INTS7: variants seen among roughly 807,000 people sequenced by gnomAD.
The protein encoded by INTS7 is chromosome 1 open reading frame 73.
A neutral mutation model predicts 109.2 loss-of-function variants in INTS7; 46 were observed. That is an observed-to-expected ratio of 0.42 (90% CI 0.33 to 0.54). The LOEUF (loss-of-function observed/expected upper bound fraction) is 0.54. Ranked by LOEUF, INTS7 falls within the 20% of genes least tolerant of loss-of-function variation. The probability of loss-of-function intolerance (pLI) is 0.07; values close to 1 mark genes in which losing one functional copy is unlikely to be tolerated. For synonymous variants in INTS7, 412 were observed against 402.9 expected (o/e 1.02, Z -0.27); for missense variants, 929 against 1,132.4 (o/e 0.82, Z 2.58).
chr1:211,969,415 G>A (rs545095965), intron 13 of INTS7, among the ~76,000 whole-genome samples: 5 of 151,882 alleles, frequency 3.3e-5, no homozygotes, highest in East Asian at 1.9e-4. Context: ...TTGTAAAGTC[G>A]GGGGCAGAAA....
chr1:211,960,326 T>G, intron 16 of INTS7, among the ~76,000 whole-genome samples: 2 of 150,010 alleles, frequency 1.3e-5, no homozygotes, highest in South Asian at 4.2e-4. Flanking sequence ...ACTTCAAAGA[T>G]CGAAGGACCA....
rs894334196 is a variant in INTS7 at position 211,959,008 on chromosome 1, C to T, written c.2184-6307G>A. On this transcript the variant is annotated intron_variant, in intron 16 of 19. Transcript: ENST00000366994. The surrounding 1 kb of genome is among the most constrained non-coding windows in gnomAD (Gnocchi z 4.2). The stretch of plus-strand genomic sequence containing the variant: ...GGACCCCTGCATGGGGATATCGCAC[C>T]GGGGGAACAGTGACTTGAACTGGCA... Among the ~76,000 whole-genome samples, 6 of 152,036 alleles carry T rather than the reference C, an allele frequency of 3.9e-5. No individual in the cohort carries two copies. Among genetic ancestry groups the T allele is most frequent in the Non-Finnish European group, 7.4e-5 (5 of 67,992 alleles).
At chr1:212,023,235 G>A (rs1434455637) in intron 1 of INTS7, among the ~76,000 whole-genome samples, 1 of 152,082 alleles carries the variant, frequency 6.6e-6, no homozygotes, top group Non-Finnish European at 1.5e-5. Flanking sequence ...TGTCTTTTGG[G>A]CAGAATGATT....
intron 17 of INTS7, among the ~76,000 whole-genome samples, chr1:211,947,836 G>A (rs960907848): frequency 1.3e-5 from 2 of 152,108 alleles, no homozygotes; most frequent in Admixed American, 6.5e-5. Flanking sequence ...AAGCACTCAC[G>A]GTACATCAAA....
intron 18 of INTS7, among the ~76,000 whole-genome samples, chr1:211,945,288 A>T (rs1351471933): frequency 6.6e-6 from 1 of 152,164 alleles, no homozygotes; most frequent in Admixed American, 6.5e-5. Context: ...AGGGAAAGGC[A>T]TTATATAAAT....
rs1662698635 is a variant in INTS7 at position 211,942,938 on chromosome 1, GTAAT to G, written c.2602-831_2602-828del. 1.3e-5 allele frequency among the ~76,000 whole-genome samples: 2 copies of G among 152,128 alleles called. No homozygotes were observed. Among genetic ancestry groups the G allele is most frequent in the African/African-American group, 2.4e-5 (1 of 41,432 alleles). ...AGGTTTATGTGCGTGTTTCTGTGGT[GTAAT>G]TAATTATATAAATGTGCCCTGCAGC... On this transcript the variant is annotated intron_variant, in intron 19 of 19. Transcript: ENST00000366994. The surrounding 1 kb of genome is among the most constrained non-coding windows in gnomAD (Gnocchi z 4.2).
At chr1:211,986,976 T>C (rs182966497) in intron 8 of INTS7, among the ~76,000 whole-genome samples, 7 of 152,126 alleles carry the variant, frequency 4.6e-5, no homozygotes, top group African/African-American at 1.2e-4. Context: ...AAGGAAGCAA[T>C]AGAGGTTCCG....
Position 211,966,498 on chromosome 1 carries a change from T to G in INTS7, c.2115A>C (p.Leu705=). The change falls in exon 16 of 20, where the codon CTA becomes CTC. Residue 705 remains leucine (L), a splice_region_variant and synonymous_variant. Coordinates refer to ENST00000366994, the MANE Select transcript of INTS7 (RefSeq NM_015434.4). ...ATATCAGTAAACAGCTCTGCTGCTG[T>G]CTGGATTGATGTTAAGGTTACATAC... The part of the protein sequence containing the change: ...ADSATLRNVE[L]QQQSCLLISH... 1 of 1,601,590 alleles carries G rather than the reference T, an allele frequency of 6.2e-7. No individual in the cohort carries two copies. The highest frequency in any genetic ancestry group is 1.7e-5 in the Admixed American group (1 of 59,082).
In INTS7 at chr1:211,941,320, A is replaced by C. The variant is rs200504276; in HGVS notation, c.*504T>G. 1 of 152,062 alleles carries C rather than the reference A, an allele frequency of 6.6e-6. No homozygotes were observed. Among genetic ancestry groups the C allele is most frequent in the Non-Finnish European group, 1.5e-5 (1 of 68,018 alleles). 9.4% of individuals were successfully genotyped at this position (152,062 alleles called of 1,614,324 possible). Reference sequence around the variant, plus strand: ...GAAAAAACTAATAATAAAACAAGAAAGAACAATCTTTCTGGCCAGGATCCC... The same window carrying C: ...GAAAAAACTAATAATAAAACAAGAACGAACAATCTTTCTGGCCAGGATCCC... On this transcript the variant is annotated 3_prime_UTR_variant, in exon 20 of 20. Coordinates refer to ENST00000366994, the MANE Select transcript of INTS7 (RefSeq NM_015434.4).
At position 211,941,905 on chromosome 1, in the gene INTS7, G is replaced by T; in HGVS notation, c.2808C>A (p.Ser936=). The T allele has an allele frequency of 6.2e-7, 1 of 1,614,180 alleles. No homozygotes were observed. Among genetic ancestry groups the T allele is most frequent in the Non-Finnish European group, 8.5e-7 (1 of 1,180,036 alleles). ...IFVKSLEDPY[S]QQIRLQQQQA... is the part of the protein sequence containing the mutation. ...GCTGCTGTTGTAAGCGAATTTGCTG[G>T]GAATAAGGGTCTTCCAGGGATTTTA... The change falls in exon 20 of 20, where the codon TCC becomes TCA. Residue 936 remains serine, a synonymous_variant. Transcript: ENST00000366994.
At chr1:211,944,448 C>G (rs1243817319) in intron 19 of INTS7, among the ~76,000 whole-genome samples, 2 of 152,194 alleles carry the variant, frequency 1.3e-5, no homozygotes, top group Non-Finnish European at 2.9e-5. Context: ...CCCATACGTA[C>G]TGACTGAGGC....
intron 7 of INTS7, among the ~76,000 whole-genome samples, chr1:212,002,935 G>A (rs1031396605): frequency 1.3e-5 from 2 of 152,140 alleles, no homozygotes; most frequent in Non-Finnish European, 2.9e-5. Context: ...TAGAAATAGA[G>A]AGTAGAGACA....
intron 13 of INTS7, among the ~76,000 whole-genome samples, chr1:211,971,915 C>CAAAAAAAAAAAAAAAAAAAGAAAAAAA (rs1664190065): frequency 1.3e-5 from 1 of 79,820 alleles, no homozygotes; most frequent in African/African-American, 4.9e-5. Flanking sequence ...AACTCAGTCT[C>CAAAAAAAAAAAAAAAAAAAGAAAAAAA]AAAAAAAAAA....
Position 211,990,743 on chromosome 1 carries a change from T to C in INTS7, c.880-2740A>G, listed in dbSNP as rs190561596. On this transcript the variant is annotated intron_variant, in intron 7 of 19. Transcript: ENST00000366994. ...AGGCCAGAATATGGGGTGTTTAATTTTGGCCTAAGAGGAGATATGTTCAAA... is the reference window on the plus strand; with the variant it reads ...AGGCCAGAATATGGGGTGTTTAATTCTGGCCTAAGAGGAGATATGTTCAAA... Among the ~76,000 whole-genome samples, 35 of 152,274 alleles carry C rather than the reference T, an allele frequency of 2.3e-4. No homozygotes were observed. In the East Asian group the frequency reaches 6.8e-3, roughly 29 times the overall value.
At chr1:211,953,366 C>T (rs1011317814) in intron 16 of INTS7, among the ~76,000 whole-genome samples, 3 of 151,978 alleles carry the variant, frequency 2.0e-5, no homozygotes, top group African/African-American at 7.3e-5. Context: ...TGAAAAAAGG[C>T]ATTTCTATTT....
In INTS7 at chr1:211,955,189, CTGTT is replaced by C. The variant is rs374001356; in HGVS notation, c.2184-2492_2184-2489del. Among the ~76,000 whole-genome samples, 56 of 152,112 alleles carry C rather than the reference CTGTT, an allele frequency of 3.7e-4. 1 individual carries two copies. In the East Asian group the frequency reaches 9.9e-3, roughly 27 times the overall value. On this transcript the variant is annotated intron_variant, in intron 16 of 19. Transcript: ENST00000366994. ...GGGAGTTCACTCATGATTTGGCTCTCTGTTTGTCTGTTATTGGTGTATAAGAATG... is the reference window on the plus strand; with the variant it reads ...GGGAGTTCACTCATGATTTGGCTCTCTGTCTGTTATTGGTGTATAAGAATG...
At chr1:212,026,040 T>C (rs1440241526) in intron 1 of INTS7, among the ~76,000 whole-genome samples, 1 of 151,994 alleles carries the variant, frequency 6.6e-6, no homozygotes, top group Non-Finnish European at 1.5e-5. Flanking sequence ...TCACAGCTAC[T>C]AGGGAGGCTG....
At chr1:211,977,814 A>C (rs773018932) in intron 11 of INTS7, among the ~76,000 whole-genome samples, 27 of 152,234 alleles carry the variant, frequency 1.8e-4, no homozygotes, top group Non-Finnish European at 4.0e-4. Context: ...AAACAGCTAA[A>C]GAGGTCCTGG....
At chr1:211,950,671 T>C (rs972801944) in intron 17 of INTS7, among the ~76,000 whole-genome samples, 1 of 152,260 alleles carries the variant, frequency 6.6e-6, no homozygotes, top group Non-Finnish European at 1.5e-5. Context: ...GAGGCAGGTA[T>C]GTTTTCTACT....
Sources: gnomAD v4.1 joint callset for allele counts (sites outside exome capture counted in the v4.1 genomes callset) on GRCh38, gnomAD v4.1.1 for gene constraint, Gnocchi (gnomAD v3.1) non-coding constraint, MANE v1.5 for transcripts, NCBI Gene and HGNC (gene_info 2026-07-23, HGNC 2026-07-21) for gene names.